Variants in GRIA3 observed in about 807,000 individuals in gnomAD.
The protein encoded by GRIA3 is glutamate ionotropic receptor AMPA type subunit 3.
Under a neutral mutation model 63.0 loss-of-function variants are expected in GRIA3, and 3 were observed. The observed-to-expected ratio is 0.05, with a 90% CI of 0.02 to 0.12. GRIA3 has a LOEUF of 0.12. GRIA3 is among the 10% of genes least tolerant of loss of function. The probability of loss-of-function intolerance (pLI) is 1.00; values close to 1 mark genes in which losing one functional copy is unlikely to be tolerated. For synonymous variants in GRIA3, 274 were observed against 257.9 expected (o/e 1.06, Z -0.60); for missense variants, 347 against 700.9 (o/e 0.50, Z 5.70).
At chrX:123,244,176 G>T (rs2044345519) in intron 2 of GRIA3, among the ~76,000 whole-genome samples, 1 of 112,271 alleles carries the variant, frequency 8.9e-6, no homozygotes, top group Admixed American at 9.4e-5. Flanking sequence ...AATGTTCAAA[G>T]GAATTAACCC....
chrX:123,372,756 T>A (rs1360571597), intron 5 of GRIA3, among the ~76,000 whole-genome samples: 1 of 112,053 alleles, frequency 8.9e-6, no homozygotes, highest in Non-Finnish European at 1.9e-5. Context: ...GTTTATCAGT[T>A]CTAAAGTTTT....
intron 13 of GRIA3, among the ~76,000 whole-genome samples, chrX:123,470,894 G>A (rs1247062131): frequency 1.8e-5 from 2 of 111,748 alleles, no homozygotes; most frequent in Non-Finnish European, 3.8e-5. Flanking sequence ...TTGACATTTC[G>A]GATACTCAGG....
chrX:123,308,637 G>C (rs1219784934), intron 3 of GRIA3, among the ~76,000 whole-genome samples: 1 of 111,652 alleles, frequency 9.0e-6, no homozygotes, highest in Non-Finnish European at 1.9e-5. Context: ...CCTTAGTGTA[G>C]AGTATTCTTC....
chrX:123,330,566 G>A (rs1466175407), intron 4 of GRIA3, among the ~76,000 whole-genome samples: 1 of 112,177 alleles, frequency 8.9e-6, no homozygotes, highest in East Asian at 2.8e-4. Flanking sequence ...GTTAGAAAAT[G>A]GGGCCTGTGA....
In GRIA3 at chrX:123,461,954, C is replaced by T. The variant is rs888111183; in HGVS notation, c.2077-2911C>T. 2.7e-5 allele frequency among the ~76,000 whole-genome samples: 3 copies of T among 111,574 alleles called. No individual in the cohort carries two copies. The Admixed American group carries it at 2.9e-4, about 11-fold the overall frequency. On this transcript the variant is annotated intron_variant, in intron 12 of 15. Transcript: ENST00000620443. ...TTTACTGATAGAATGTAGAAGGAAA[C>T]CCAGGCTTTACAAGGTATATAATAT...
intron 2 of GRIA3, among the ~76,000 whole-genome samples, chrX:123,200,864 C>T (rs2147254112): frequency 9.0e-6 from 1 of 111,422 alleles, no homozygotes; most frequent in Non-Finnish European, 1.9e-5. Flanking sequence ...ACTTTCCATC[C>T]TCTTTAAAGC....
intron 2 of GRIA3, among the ~76,000 whole-genome samples, chrX:123,188,416 G>C (rs1467040103): frequency 9.0e-6 from 1 of 111,311 alleles, no homozygotes; most frequent in Non-Finnish European, 1.9e-5. Context: ...TCTACCCCTG[G>C]CTTTAATTGT....
At chrX:123,262,209 C>T (rs189988332) in intron 3 of GRIA3, among the ~76,000 whole-genome samples, 3 of 111,670 alleles carry the variant, frequency 2.7e-5, no homozygotes, top group East Asian at 5.7e-4. Flanking sequence ...CAAGATAATG[C>T]CTCTAAAGCC....
chrX:123,415,113 TCTAA>T (rs2045529729), intron 10 of GRIA3, among the ~76,000 whole-genome samples: 1 of 112,053 alleles, frequency 8.9e-6, no homozygotes, highest in Admixed American at 9.4e-5. Context: ...TGATCGCCAT[TCTAA>T]CTGTGTGAGA....
At chrX:123,238,776 G>T (rs750674349) in intron 2 of GRIA3, among the ~76,000 whole-genome samples, 8 of 105,159 alleles carry the variant, frequency 7.6e-5, no homozygotes, top group Non-Finnish European at 1.6e-4. Flanking sequence ...ATAGACTCTG[G>T]CCTGGAACAA....
At position 123,480,148 on chromosome X, in the gene GRIA3, G is replaced by A; in HGVS notation, c.2410G>A (p.Glu804Lys). The A allele has an allele frequency of 8.4e-7, 1 of 1,195,106 alleles. No homozygotes were observed. The highest frequency in any genetic ancestry group is 1.1e-6 in the Non-Finnish European group (1 of 880,345). ...LKNKWWYDKGECGAKDSGSKD... is the reference protein window; with the variant it reads ...LKNKWWYDKGKCGAKDSGSKD... ...AAACAAATGGTGGTACGATAAGGGGGAATGTGGAGCCAAGGACTCCGGGAG... is the reference window on the plus strand; with the variant it reads ...AAACAAATGGTGGTACGATAAGGGGAAATGTGGAGCCAAGGACTCCGGGAG... The change falls in exon 14 of 16, where the codon GAA (glutamate) becomes AAA (lysine). Residue 804 changes from glutamate to lysine, a missense_variant. By Grantham distance (56) the Glu-to-Lys change is moderately conservative. Coordinates refer to ENST00000620443, the MANE Select transcript of GRIA3 (RefSeq NM_007325.5).
At chrX:123,285,577 C>CAAAAAAAAAAAA (rs59101106) in intron 3 of GRIA3, among the ~76,000 whole-genome samples, 8 of 10,172 alleles carry the variant, frequency 7.9e-4, no homozygotes, top group East Asian at 4.4e-3. Context: ...AAATGAAAAG[C>CAAAAAAAAAAAA]AAAAAAAAAA....
At chrX:123,390,297 C>T (rs1391403636) in intron 5 of GRIA3, among the ~76,000 whole-genome samples, 1 of 111,382 alleles carries the variant, frequency 9.0e-6, no homozygotes, top group Non-Finnish European at 1.9e-5. Context: ...TGTAAGACTC[C>T]CTTAAGCATT....
chrX:123,346,174 C>T (rs745568480), intron 4 of GRIA3, among the ~76,000 whole-genome samples: 4 of 111,738 alleles, frequency 3.6e-5, no homozygotes, highest in East Asian at 2.8e-4. Flanking sequence ...TACTCTACTG[C>T]CTCTCGACTA....
chrX:123,488,728 A>T lies in GRIA3; in HGVS notation c.*18A>T, dbSNP rs1308088825. 1 of 111,815 alleles carries T rather than the reference A, an allele frequency of 8.9e-6. No individual in the cohort carries two copies. Among genetic ancestry groups the T allele is most frequent in the African/African-American group, 3.3e-5 (1 of 30,649 alleles). 9.2% of individuals were successfully genotyped at this position (111,815 alleles called of 1,213,427 possible). ...GCCTTTGCAGATCCCTTCCCACTGG[A>T]GGCATGTGATGAGAGGAAATCACCG... On this transcript the variant is annotated 3_prime_UTR_variant, in exon 16 of 16. Coordinates refer to ENST00000620443, the MANE Select transcript of GRIA3 (RefSeq NM_007325.5).
chrX:123,376,453 C>T (rs2045285217), intron 5 of GRIA3, among the ~76,000 whole-genome samples: 1 of 111,416 alleles, frequency 9.0e-6, no homozygotes, highest in South Asian at 3.8e-4. Context: ...CTAAAGTTGG[C>T]ATAAGAATCT....
At chrX:123,274,550 C>T (rs1377093342) in intron 3 of GRIA3, among the ~76,000 whole-genome samples, 2 of 112,544 alleles carry the variant, frequency 1.8e-5, no homozygotes, top group African/African-American at 6.5e-5. Context: ...CCAACCCCTC[C>T]TCCCATCTGC....
intron 5 of GRIA3, among the ~76,000 whole-genome samples, chrX:123,366,381 C>A (rs1231628793): frequency 9.0e-6 from 1 of 111,172 alleles, no homozygotes; most frequent in African/African-American, 3.3e-5. Flanking sequence ...GATTCATCTT[C>A]TGTAACTTCT....
chrX:123,260,471 GA>G (rs1569409658), intron 3 of GRIA3, among the ~76,000 whole-genome samples: 1 of 1,707 alleles, frequency 5.9e-4, no homozygotes, highest in African/African-American at 1.4e-3. Flanking sequence ...GAAGGAAGAA[GA>G]AAGGAAAGAA....
Sources: allele counts gnomAD v4.1 joint callset (sites outside exome capture counted in the v4.1 genomes callset), GRCh38; gene constraint gnomAD v4.1.1; transcripts MANE v1.5; gene names NCBI Gene and HGNC (gene_info 2026-07-23, HGNC 2026-07-21).